ERC2: variants seen among roughly 807,000 people sequenced by gnomAD.
ERC2 encodes the protein ERC protein 2.
A neutral mutation model predicts 114.8 loss-of-function variants in ERC2; 42 were observed. The observed-to-expected ratio is 0.37, with a 90% CI of 0.29 to 0.47. The LOEUF is 0.47. Ranked by LOEUF, ERC2 falls within the 20% of genes least tolerant of loss-of-function variation. ERC2 has a pLI of 0.99. For synonymous variants in ERC2, 454 were observed against 425.5 expected (o/e 1.07, Z -0.82); for missense variants, 939 against 1,150.7 (o/e 0.82, Z 2.66).
At chr3:55,807,729 T>TC (rs1295002012) in intron 14 of ERC2, among the ~76,000 whole-genome samples, 3 of 152,194 alleles carry the variant, frequency 2.0e-5, no homozygotes, top group African/African-American at 7.2e-5. Context: ...AACTTCCTTA[T>TC]CAACCTAGAC....
intron 17 of ERC2, among the ~76,000 whole-genome samples, chr3:55,637,948 G>A (rs892415337): frequency 5.3e-5 from 8 of 152,070 alleles, no homozygotes; most frequent in African/African-American, 1.2e-4. Context: ...GATCTGAAAG[G>A]TTAACACTTT....
intron 14 of ERC2, among the ~76,000 whole-genome samples, chr3:55,780,707 G>A (rs2149049782): frequency 6.6e-6 from 1 of 152,256 alleles, no homozygotes; most frequent in South Asian, 2.1e-4. Flanking sequence ...ACTCCTCTGT[G>A]GCACACGCCA....
intron 17 of ERC2, among the ~76,000 whole-genome samples, chr3:55,622,334 G>C (rs1158905157): frequency 6.6e-6 from 1 of 152,162 alleles, no homozygotes; most frequent in Non-Finnish European, 1.5e-5. Context: ...GCAGCCAGTG[G>C]ATTCTCAAGT....
At chr3:56,344,723 G>T (rs1214535568) in intron 2 of ERC2, among the ~76,000 whole-genome samples, 2 of 152,114 alleles carry the variant, frequency 1.3e-5, no homozygotes, top group Non-Finnish European at 2.9e-5. Context: ...TCAGTTGATG[G>T]CCTCATGCTC....
chr3:56,227,093 T>C (rs767649207), intron 3 of ERC2, among the ~76,000 whole-genome samples: 14 of 152,162 alleles, frequency 9.2e-5, no homozygotes, highest in Non-Finnish European at 1.8e-4. Context: ...TGGCCCTGCT[T>C]GGATTCCAAG....
intron 6 of ERC2, among the ~76,000 whole-genome samples, chr3:56,094,068 C>T (rs1454213130): frequency 6.6e-6 from 1 of 152,200 alleles, no homozygotes; most frequent in African/African-American, 2.4e-5. Context: ...CCTTTCCCCA[C>T]ATCTATTTTT....
At chr3:55,928,307 C>T (rs1050666773) in intron 13 of ERC2, among the ~76,000 whole-genome samples, 1 of 152,160 alleles carries the variant, frequency 6.6e-6, no homozygotes, top group African/African-American at 2.4e-5. Flanking sequence ...GCCATTTTAG[C>T]CAGGATAAGA....
At chr3:56,036,665 A>T (rs2074825146) in intron 7 of ERC2, among the ~76,000 whole-genome samples, 1 of 152,212 alleles carries the variant, frequency 6.6e-6, no homozygotes, top group Admixed American at 6.5e-5. Context: ...GGAGCTGCAC[A>T]GAACAAGTGG....
chr3:55,914,262 C>T (rs2064973029), intron 13 of ERC2, among the ~76,000 whole-genome samples: 2 of 152,250 alleles, frequency 1.3e-5, no homozygotes, highest in South Asian at 2.1e-4. Context: ...ACCAGAGCCA[C>T]GCGCTCCCAA....
intron 14 of ERC2, among the ~76,000 whole-genome samples, chr3:55,759,742 C>G (rs1326564266): frequency 1.3e-5 from 2 of 152,052 alleles, no homozygotes; most frequent in African/African-American, 4.8e-5. Flanking sequence ...GCTGCACATT[C>G]CTTAAATTTA....
chr3:55,979,047 C>T (rs752492120), intron 12 of ERC2, among the ~76,000 whole-genome samples: 10 of 152,152 alleles, frequency 6.6e-5, no homozygotes, highest in Non-Finnish European at 1.0e-4. Context: ...GCCCATTCAT[C>T]GCAGGTTATC....
chr3:55,891,013 C>T (rs1462883433), intron 13 of ERC2, among the ~76,000 whole-genome samples: 1 of 152,218 alleles, frequency 6.6e-6, no homozygotes. Flanking sequence ...AAAACTGTTT[C>T]CTTTGCTGCC....
chr3:56,452,440 TG>T (rs2062864129), intron 1 of ERC2, among the ~76,000 whole-genome samples: 3 of 152,254 alleles, frequency 2.0e-5, no homozygotes, highest in Admixed American at 6.5e-5. Flanking sequence ...ATTTAGTTAA[TG>T]CAGTTAAATT....
intron 3 of ERC2, among the ~76,000 whole-genome samples, chr3:56,264,659 T>C (rs2053170862): frequency 6.7e-6 from 1 of 150,006 alleles, no homozygotes; most frequent in Admixed American, 6.6e-5. Context: ...AAGGAAGAAG[T>C]AAAATTATCC....
At chr3:56,021,462 G>T (rs1030320796) in intron 7 of ERC2, among the ~76,000 whole-genome samples, 1 of 152,026 alleles carries the variant, frequency 6.6e-6, no homozygotes, top group Non-Finnish European at 1.5e-5. Context: ...CTATACACAT[G>T]AGTAAATAAT....
intron 13 of ERC2, among the ~76,000 whole-genome samples, chr3:55,943,499 C>T (rs115802306): frequency 2.1e-3 from 315 of 148,588 alleles, no homozygotes; most frequent in African/African-American, 7.4e-3. Context: ...TTGGTCTAAT[C>T]TTCACAGGAA....
At chr3:55,718,636 G>A (rs990157721) in intron 15 of ERC2, among the ~76,000 whole-genome samples, 11 of 152,184 alleles carry the variant, frequency 7.2e-5, no homozygotes, top group African/African-American at 2.7e-4. Context: ...TTCCACTGTG[G>A]AGGAAGTAAG....
chr3:55,564,763 T>C (rs950988705), intron 17 of ERC2, among the ~76,000 whole-genome samples: 4 of 152,300 alleles, frequency 2.6e-5, no homozygotes, highest in African/African-American at 9.6e-5. Context: ...CCATCCCCAT[T>C]CGTGTGGCCA....
intron 17 of ERC2, among the ~76,000 whole-genome samples, chr3:55,513,190 T>C (rs1306173860): frequency 6.6e-6 from 1 of 152,222 alleles, no homozygotes; most frequent in Non-Finnish European, 1.5e-5. Context: ...CCATAGTGCA[T>C]TCCCGTTTAC....
Sources: allele counts gnomAD v4.1 joint callset (sites outside exome capture counted in the v4.1 genomes callset), GRCh38; gene constraint gnomAD v4.1.1; transcripts MANE v1.5; gene names NCBI Gene and HGNC (gene_info 2026-07-23, HGNC 2026-07-21).